IL1R1: variants seen among roughly 807,000 people sequenced by gnomAD.
IL1R1 encodes the protein interleukin 1 receptor type 1, also known as interleukin-1 receptor type 1.
A neutral mutation model predicts 50.2 loss-of-function variants in IL1R1; 22 were observed. The ratio of observed to expected loss-of-function variants is 0.44; its 90% CI spans 0.31 to 0.63. The LOEUF (loss-of-function observed/expected upper bound fraction) is 0.63. IL1R1 is among the 20% of genes least tolerant of loss of function. IL1R1 has a pLI of 0.07. For synonymous variants in IL1R1, 251 were observed against 236.7 expected (o/e 1.06, Z -0.55); for missense variants, 509 against 676.2 (o/e 0.75, Z 2.74).
chr2:102,112,238 A>G (rs1193305844), intron 1 of IL1R1, among the ~76,000 whole-genome samples: 1 of 151,832 alleles, frequency 6.6e-6, no homozygotes, highest in Non-Finnish European at 1.5e-5. Context: ...ATTGTTGATC[A>G]GACACTCAGG....
Position 102,170,225 on chromosome 2 carries a change from A to G in IL1R1, c.721+1562A>G, listed in dbSNP as rs148385946. 2.0e-5 allele frequency among the ~76,000 whole-genome samples: 3 copies of G among 152,346 alleles called. No individual in the cohort carries two copies. The East Asian group carries it at 5.8e-4, about 29-fold the overall frequency. On this transcript the variant is annotated intron_variant, in intron 7 of 11. Coordinates refer to ENST00000410023, the MANE Select transcript of IL1R1 (RefSeq NM_000877.4). ...TAAGATCCAATACCATTACTCCTAA[A>G]ATGACTTAGAAAAATAGGGATTGAG... is the stretch of plus-strand genomic sequence containing the variant.
chr2:102,148,149 A>G (rs10153578), intron 1 of IL1R1, among the ~76,000 whole-genome samples: 125,987 of 152,176 alleles, frequency 0.83, 52,507 homozygotes, highest in African/African-American at 0.92. Context: ...TTGTGTGCAC[A>G]TGATAGAGCG....
At chr2:102,081,859 A>G (rs940303608) in intron 1 of IL1R1, among the ~76,000 whole-genome samples, 1 of 152,208 alleles carries the variant, frequency 6.6e-6, no homozygotes, top group Non-Finnish European at 1.5e-5. Flanking sequence ...GTCATCAGTC[A>G]TCATTATCAA....
In IL1R1 at chr2:102,173,439, A is replaced by G. The variant is rs374924779; in HGVS notation, c.991+601A>G. On this transcript the variant is annotated intron_variant, in intron 9 of 11. Coordinates refer to ENST00000410023, the MANE Select transcript of IL1R1 (RefSeq NM_000877.4). ...TGAAAGACTCTATAAATTAACTTCT[A>G]TGTATGTTTAAATACTGGCAGCATA... Among the ~76,000 whole-genome samples the G allele has an allele frequency of 1.0e-3, 154 of 152,338 alleles. 6 individuals carry two copies. In the South Asian group the frequency reaches 0.031, roughly 30 times the overall value.
At chr2:102,143,256 G>C (rs1005836270) in intron 1 of IL1R1, among the ~76,000 whole-genome samples, 2 of 152,212 alleles carry the variant, frequency 1.3e-5, no homozygotes, top group Non-Finnish European at 2.9e-5. Context: ...CAGTTGTTCT[G>C]GAGGGGGGTT....
chr2:102,082,377 A>T (rs568706031), intron 1 of IL1R1, among the ~76,000 whole-genome samples: 1 of 152,152 alleles, frequency 6.6e-6, no homozygotes, highest in Non-Finnish European at 1.5e-5. Flanking sequence ...CTCAAAAAGG[A>T]TTATCTTGTT....
chr2:102,154,070 A>T (rs1683943301), intron 2 of IL1R1, 53 bp downstream of exon 2: 1 of 152,342 alleles, frequency 6.6e-6, no homozygotes, highest in Non-Finnish European at 1.5e-5. Flanking sequence ...TCTCACAAAT[A>T]GCTGAACTCC....
At chr2:102,112,478 C>T (rs1214469103) in intron 1 of IL1R1, among the ~76,000 whole-genome samples, 1 of 151,922 alleles carries the variant, frequency 6.6e-6, no homozygotes, top group Non-Finnish European at 1.5e-5. Context: ...GTCAGCTCAC[C>T]CCCTTCAGTG....
upstream of IL1R1, chr2:102,142,594 G>C (rs1380442280): frequency 2.0e-5 from 3 of 151,934 alleles, no homozygotes; most frequent in Admixed American, 2.0e-4. Flanking sequence ...GGCGGTGTCC[G>C]CAGGGGTCTG....
chr2:102,082,268 TA>T (rs1288167773), intron 1 of IL1R1, among the ~76,000 whole-genome samples: 1 of 143,518 alleles, frequency 7.0e-6, no homozygotes, highest in Non-Finnish European at 1.6e-5. Context: ...AGGATAAATC[TA>T]ATCCTTTAAT....
At chr2:102,162,427 C>T (rs1303417538) in intron 3 of IL1R1, among the ~76,000 whole-genome samples, 12 of 152,072 alleles carry the variant, frequency 7.9e-5, no homozygotes, top group Non-Finnish European at 2.9e-5. Context: ...GGGTTTAATT[C>T]TGGGATCTTG....
chr2:102,132,682 A>G (rs1201508111), intron 1 of IL1R1, among the ~76,000 whole-genome samples: 1 of 152,200 alleles, frequency 6.6e-6, no homozygotes, highest in African/African-American at 2.4e-5. Flanking sequence ...TGAGAAGATC[A>G]ATAAAATTGA....
At position 102,165,078 on chromosome 2, in the gene IL1R1, T is replaced by C. The variant is rs758304240; in HGVS notation, c.297-37T>C. On this transcript the variant is annotated intron_variant, in intron 4 of 11. Coordinates refer to ENST00000410023, the MANE Select transcript of IL1R1 (RefSeq NM_000877.4). ...CAGTTGTTAAGGACAGAAATACTTT[T>C]AATAATGCTTAACTTACCTATTTTA... The C allele has an allele frequency of 7.7e-6, 12 of 1,553,308 alleles. 1 individual carries two copies. The highest frequency in any genetic ancestry group is 1.7e-4 in the Middle Eastern group (1 of 5,850).
intron 1 of IL1R1, among the ~76,000 whole-genome samples, chr2:102,093,737 T>G (rs891729163): frequency 2.0e-5 from 3 of 152,222 alleles, no homozygotes; most frequent in Non-Finnish European, 4.4e-5. Context: ...ATATTCTGGA[T>G]GCAAGTCCAG....
Position 102,172,441 on chromosome 2 carries a change from T to C in IL1R1, c.840-246T>C, listed in dbSNP as rs1369800656. ...AGAACACAATGCATTTGTCTACATT[T>C]TTCTTCTTGGAAGTGGTAATTTTTT... On this transcript the variant is annotated intron_variant, in intron 8 of 11. Coordinates refer to ENST00000410023, the MANE Select transcript of IL1R1 (RefSeq NM_000877.4). 3.0e-6 allele frequency: 3 copies of C among 984,898 alleles called. No homozygotes were observed. The African/African-American group carries it at 5.2e-5, about 17-fold the overall frequency. The allele number at this position is 984,898 out of a possible 1,614,324, so 61.0% of individuals were successfully genotyped here. A position where few individuals can be genotyped will look rare whatever the true frequency, so the allele number is the denominator to read the frequency against.
At chr2:102,154,697 C>T (rs916215983) in intron 2 of IL1R1, among the ~76,000 whole-genome samples, 4 of 152,194 alleles carry the variant, frequency 2.6e-5, no homozygotes, top group Non-Finnish European at 4.4e-5. Flanking sequence ...GTTTATGTTC[C>T]ACACAGGTGC....
intron 1 of IL1R1, among the ~76,000 whole-genome samples, chr2:102,127,416 C>T (rs750377547): frequency 1.2e-4 from 18 of 152,130 alleles, no homozygotes; most frequent in East Asian, 5.8e-4. Flanking sequence ...TTAAATGACA[C>T]ATTTATTCAT....
intron 1 of IL1R1, among the ~76,000 whole-genome samples, chr2:102,090,887 A>G (rs1457062152): frequency 6.6e-6 from 1 of 152,150 alleles, no homozygotes; most frequent in Non-Finnish European, 1.5e-5. Flanking sequence ...AATGTGTATG[A>G]GAGGACAATA....
In IL1R1 at chr2:102,177,722, C is replaced by T. The variant is rs201930951; in HGVS notation, c.*963C>T. On this transcript the variant is annotated 3_prime_UTR_variant, in exon 12 of 12. Coordinates refer to ENST00000410023, the MANE Select transcript of IL1R1 (RefSeq NM_000877.4). Reference sequence around the variant, plus strand: ...AAAGCAACAGTAGCAGGGAATTGATCCACTTCTTAATGCTTTCCTCCCTGG... The same window carrying T: ...AAAGCAACAGTAGCAGGGAATTGATTCACTTCTTAATGCTTTCCTCCCTGG... The T allele has an allele frequency of 1.3e-5, 2 of 152,354 alleles. No individual in the cohort carries two copies. Among genetic ancestry groups the T allele is most frequent in the Non-Finnish European group, 1.5e-5 (1 of 68,054 alleles). The allele number at this position is 152,354 out of a possible 1,614,324, so 9.4% of individuals were successfully genotyped here. A position where few individuals can be genotyped will look rare whatever the true frequency, so the allele number is the denominator to read the frequency against.
Sources: gnomAD v4.1 joint callset for allele counts (sites outside exome capture counted in the v4.1 genomes callset) on GRCh38, gnomAD v4.1.1 for gene constraint, MANE v1.5 for transcripts, NCBI Gene and HGNC (gene_info 2026-07-23, HGNC 2026-07-21) for gene names.